The following LRRC4C variants were observed in gnomAD, a reference collection of about 807,000 sequenced individuals.
The protein encoded by LRRC4C is leucine-rich repeat-containing protein 4C.
In LRRC4C, 5 loss-of-function variants were observed where a neutral mutation model predicts 33.6. The ratio of observed to expected loss-of-function variants is 0.15; its 90% CI spans 0.08 to 0.31. LRRC4C has a LOEUF of 0.31. Ranked by LOEUF, LRRC4C falls within the 10% of genes least tolerant of loss-of-function variation. The probability of loss-of-function intolerance (pLI) is 1.00; values close to 1 mark genes in which losing one functional copy is unlikely to be tolerated. For missense variants in LRRC4C, 560 were observed against 796.7 expected, an observed-to-expected ratio of 0.70 and a Z score of 3.58; for synonymous variants, 329 against 302.0, an observed-to-expected ratio of 1.09 and a Z score of -0.93.
chr11:41,310,057 T>G (rs1950604892), intron 1 of LRRC4C, among the ~76,000 whole-genome samples: 1 of 152,240 alleles, frequency 6.6e-6, no homozygotes, highest in Non-Finnish European at 1.5e-5. Flanking sequence ...GTTTTATTTC[T>G]CATTTCCTCC....
At chr11:41,406,721 C>T (rs1954252788) in intron 1 of LRRC4C, among the ~76,000 whole-genome samples, 1 of 128,548 alleles carries the variant, frequency 7.8e-6, no homozygotes, top group Non-Finnish European at 1.7e-5. Flanking sequence ...CACACACACA[C>T]ACACACACAC....
At chr11:40,208,308 T>C (rs965036031) in intron 5 of LRRC4C, among the ~76,000 whole-genome samples, 1 of 152,140 alleles carries the variant, frequency 6.6e-6, no homozygotes, top group African/African-American at 2.4e-5. Context: ...ATTTTTCCAC[T>C]GGGAGGGAGG....
At chr11:40,721,677 G>A (rs1445486144) in intron 2 of LRRC4C, among the ~76,000 whole-genome samples, 1 of 152,236 alleles carries the variant, frequency 6.6e-6, no homozygotes, top group East Asian at 1.9e-4. Flanking sequence ...TGGGCTGGGC[G>A]TGGTGGCTCA....
intron 1 of LRRC4C, among the ~76,000 whole-genome samples, chr11:41,237,960 G>A (rs1041138878): frequency 6.6e-6 from 1 of 151,882 alleles, no homozygotes; most frequent in Non-Finnish European, 1.5e-5. Flanking sequence ...CTTTGCTACT[G>A]CATTTTTTCA....
At chr11:41,245,792 G>A (rs756254181) in intron 1 of LRRC4C, among the ~76,000 whole-genome samples, 1 of 152,182 alleles carries the variant, frequency 6.6e-6, no homozygotes, top group Non-Finnish European at 1.5e-5. Flanking sequence ...GTGGAGGGTG[G>A]AGGGTGAGCA....
intron 2 of LRRC4C, among the ~76,000 whole-genome samples, chr11:40,804,446 C>T (rs1019253647): frequency 1.3e-5 from 2 of 152,186 alleles, no homozygotes; most frequent in African/African-American, 4.8e-5. Context: ...CTGGGATGTG[C>T]ACCACCTAAT....
At chr11:40,193,051 A>C (rs538913136) in intron 5 of LRRC4C, among the ~76,000 whole-genome samples, 103 of 152,294 alleles carry the variant, frequency 6.8e-4, no homozygotes, top group African/African-American at 2.5e-3. Context: ...ATGTTCCCGT[A>C]TGCTGGCTCT....
At chr11:40,790,058 A>T (rs754500084) in intron 2 of LRRC4C, among the ~76,000 whole-genome samples, 4 of 152,240 alleles carry the variant, frequency 2.6e-5, no homozygotes, top group African/African-American at 9.6e-5. Context: ...ATTAGAAAAC[A>T]TAAGGAATTA....
intron 2 of LRRC4C, among the ~76,000 whole-genome samples, chr11:40,785,747 T>G (rs1282931668): frequency 6.6e-6 from 1 of 152,158 alleles, no homozygotes; most frequent in African/African-American, 2.4e-5. Context: ...TACTAAGACA[T>G]TTGTCATTTA....
At chr11:40,361,838 C>T (rs993686277) in intron 3 of LRRC4C, among the ~76,000 whole-genome samples, 2 of 152,248 alleles carry the variant, frequency 1.3e-5, no homozygotes, top group South Asian at 4.1e-4. Flanking sequence ...AAGCTGGAGA[C>T]ATCATGCTAC....
intron 1 of LRRC4C, among the ~76,000 whole-genome samples, chr11:40,973,577 G>C (rs1206400995): frequency 6.6e-6 from 1 of 152,052 alleles, no homozygotes; most frequent in Non-Finnish European, 1.5e-5. Context: ...CCCAGAGAAG[G>C]ATTTAGAAAA....
At chr11:40,995,629 TTTCTTATATG>T (rs1457485827) in intron 1 of LRRC4C, among the ~76,000 whole-genome samples, 1 of 152,186 alleles carries the variant, frequency 6.6e-6, no homozygotes. Context: ...ACCATATGTG[TTTCTTATATG>T]TTCTTATATG....
At chr11:41,140,276 T>A (rs1943445090) in intron 1 of LRRC4C, among the ~76,000 whole-genome samples, 1 of 152,180 alleles carries the variant, frequency 6.6e-6, no homozygotes, top group Admixed American at 6.5e-5. Flanking sequence ...TTTCTGGAAA[T>A]GCCTGGCTGC....
At chr11:40,858,166 T>C (rs1190423375) in intron 2 of LRRC4C, among the ~76,000 whole-genome samples, 1 of 152,162 alleles carries the variant, frequency 6.6e-6, no homozygotes, top group East Asian at 1.9e-4. Context: ...AACTTCTCAG[T>C]CGTCATACGT....
chr11:40,882,225 C>A (rs899442835), intron 2 of LRRC4C, among the ~76,000 whole-genome samples: 3 of 152,044 alleles, frequency 2.0e-5, no homozygotes, highest in Non-Finnish European at 4.4e-5. Flanking sequence ...CATCTGGAAA[C>A]AACAATTTGC....
At chr11:41,420,564 C>T (rs1170068280) in intron 1 of LRRC4C, among the ~76,000 whole-genome samples, 1 of 152,012 alleles carries the variant, frequency 6.6e-6, no homozygotes, top group Admixed American at 6.6e-5. Flanking sequence ...AAAATATAAA[C>T]ACTTTTTAAT....
intron 1 of LRRC4C, among the ~76,000 whole-genome samples, chr11:41,364,094 T>C (rs1269180091): frequency 6.6e-6 from 1 of 152,128 alleles, no homozygotes; most frequent in Non-Finnish European, 1.5e-5. Flanking sequence ...CCATAAACCA[T>C]GACCTTCTAG....
intron 2 of LRRC4C, among the ~76,000 whole-genome samples, chr11:40,855,601 T>G (rs1266043130): frequency 6.6e-6 from 1 of 152,174 alleles, no homozygotes; most frequent in African/African-American, 2.4e-5. Flanking sequence ...GGGACAGTAA[T>G]TAACCCAACC....
chr11:41,227,666 T>C (rs1315419630), intron 1 of LRRC4C, among the ~76,000 whole-genome samples: 1 of 152,090 alleles, frequency 6.6e-6, no homozygotes, highest in Admixed American at 6.6e-5. Context: ...CCCTGGACTT[T>C]GCTTTATTAA....
Sources: allele counts gnomAD v4.1 joint callset (sites outside exome capture counted in the v4.1 genomes callset), GRCh38; gene constraint gnomAD v4.1.1; transcripts MANE v1.5; gene names NCBI Gene and HGNC (gene_info 2026-07-23, HGNC 2026-07-21).